Variants in FILIP1L observed in about 807,000 individuals in gnomAD.
FILIP1L encodes filamin A-interacting protein 1-like.
In FILIP1L, 55 loss-of-function variants were observed where a neutral mutation model predicts 96.6. That is an observed-to-expected ratio of 0.57 (90% CI 0.46 to 0.71). The LOEUF (loss-of-function observed/expected upper bound fraction) is 0.71. Among genes scored for constraint, FILIP1L ranks in the 30% least tolerant of loss-of-function variants. FILIP1L has a pLI of 0.00. For missense variants in FILIP1L, 1,304 were observed against 1,321.2 expected (o/e 0.99, Z 0.20); for synonymous variants, 467 against 473.9 (o/e 0.99, Z 0.19).
intron 1 of FILIP1L, among the ~76,000 whole-genome samples, chr3:99,987,376 A>G (rs1037647654): frequency 6.6e-6 from 1 of 151,784 alleles, no homozygotes; most frequent in Non-Finnish European, 1.5e-5. Context: ...TAAAAATACA[A>G]AAATTAACGG....
intron 1 of FILIP1L, among the ~76,000 whole-genome samples, chr3:99,935,265 CAAAA>C (rs34961153): frequency 6.9e-6 from 1 of 143,934 alleles, no homozygotes. Flanking sequence ...TTCAGGGTAC[CAAAA>C]AAAAAAAAAG....
chr3:99,903,161 G>A (rs1045672551), intron 4 of FILIP1L, among the ~76,000 whole-genome samples: 1 of 152,058 alleles, frequency 6.6e-6, no homozygotes. Flanking sequence ...GTTGTTATGA[G>A]GATTAAAGTT....
intron 1 of FILIP1L, among the ~76,000 whole-genome samples, chr3:99,956,867 C>T (rs1297555600): frequency 6.6e-6 from 1 of 152,190 alleles, no homozygotes; most frequent in Non-Finnish European, 1.5e-5. Context: ...TCATTGTACT[C>T]ATCTCCTAAT....
chr3:99,849,221 C>A lies in FILIP1L; in HGVS notation c.2455G>T (p.Glu819Ter), dbSNP rs746496393. The change falls in exon 5 of 6, where the codon GAA becomes TAA. Residue 819 changes from glutamate to a stop codon, truncating the protein, a stop_gained. Transcript: ENST00000477258. LOFTEE classifies it high-confidence loss of function. ...AACTGACCATTGATGACTGCACGTT[C>A]CAGAGGAATGAGGCTCTTGTAATCA... ...PPDYKSLIPL[E>*]RAVINGQLYE... 6.2e-7 allele frequency: 1 copy of A among 1,614,106 alleles called. No individual in the cohort carries two copies.
At chr3:99,996,138 C>A (rs541138897) in intron 1 of FILIP1L, among the ~76,000 whole-genome samples, 48 of 152,322 alleles carry the variant, frequency 3.2e-4, no homozygotes, top group African/African-American at 1.2e-3. Flanking sequence ...ATGCCTATAA[C>A]AGCACCCAGG....
intron 1 of FILIP1L, among the ~76,000 whole-genome samples, chr3:99,983,466 A>G (rs1299519941): frequency 0.064 from 382 of 6,010 alleles, 10 homozygotes; most frequent in African/African-American, 0.17. Flanking sequence ...ATATGTGTGT[A>G]TATATATATA....
intron 5 of FILIP1L, among the ~76,000 whole-genome samples, chr3:99,842,119 G>T (rs1943159672): frequency 6.6e-6 from 1 of 152,128 alleles, no homozygotes; most frequent in African/African-American, 2.4e-5. Context: ...TAAAGAAAAT[G>T]TGGTATATAT....
intron 3 of FILIP1L, among the ~76,000 whole-genome samples, chr3:99,924,638 C>T (rs2107654684): frequency 6.6e-6 from 1 of 152,326 alleles, no homozygotes; most frequent in East Asian, 1.9e-4. Context: ...TCTGCCTCAG[C>T]CTCCCAAGTA....
intron 1 of FILIP1L, chr3:100,010,067 T>C (rs1185593110): frequency 3.0e-6 from 1 of 338,638 alleles, no homozygotes; most frequent in Non-Finnish European, 4.2e-6. Flanking sequence ...TACAGACTAG[T>C]ATATTGAGGG....
intron 5 of FILIP1L, among the ~76,000 whole-genome samples, chr3:99,832,889 T>A (rs1421828410): frequency 6.7e-6 from 1 of 148,706 alleles, no homozygotes; most frequent in Non-Finnish European, 1.5e-5. Context: ...GTATGACTTA[T>A]CCTTGGACAT....
chr3:100,067,522 T>C (rs1445072193), intron 1 of FILIP1L, among the ~76,000 whole-genome samples: 1 of 152,190 alleles, frequency 6.6e-6, no homozygotes, highest in African/African-American at 2.4e-5. Flanking sequence ...CAAAATTCAC[T>C]TCATCTAAAA....
intron 1 of FILIP1L, among the ~76,000 whole-genome samples, chr3:99,979,550 C>T (rs112844237): frequency 3.1e-4 from 47 of 151,968 alleles, no homozygotes; most frequent in Middle Eastern, 3.4e-3. Flanking sequence ...AAGACTTGTT[C>T]TAATGAGAAA....
intron 1 of FILIP1L, among the ~76,000 whole-genome samples, chr3:100,108,884 A>G (rs754928248): frequency 7.9e-5 from 12 of 152,072 alleles, no homozygotes; most frequent in Non-Finnish European, 1.8e-4. Flanking sequence ...AAATCAGATC[A>G]TATTCCCTTG....
intron 5 of FILIP1L, among the ~76,000 whole-genome samples, chr3:99,834,455 G>T (rs570945165): frequency 6.6e-6 from 1 of 152,242 alleles, no homozygotes; most frequent in East Asian, 1.9e-4. Context: ...CAGCAGTGGG[G>T]GCAATCCAAG....
At chr3:100,002,049 T>C (rs902709407) in intron 1 of FILIP1L, among the ~76,000 whole-genome samples, 1 of 152,194 alleles carries the variant, frequency 6.6e-6, no homozygotes, top group African/African-American at 2.4e-5. Context: ...TGGTGATGCG[T>C]GTGTGACTGT....
At chr3:99,971,841 G>T (rs934202964) in intron 1 of FILIP1L, among the ~76,000 whole-genome samples, 3 of 152,158 alleles carry the variant, frequency 2.0e-5, no homozygotes, top group Non-Finnish European at 4.4e-5. Context: ...TAATGACGTT[G>T]GGGCCTCTGG....
At chr3:100,058,222 T>A (rs553577325) in intron 1 of FILIP1L, among the ~76,000 whole-genome samples, 1 of 152,342 alleles carries the variant, frequency 6.6e-6, no homozygotes, top group Admixed American at 6.5e-5. Flanking sequence ...CTACTGCCTC[T>A]CTCAGGCAGA....
chr3:99,990,062 T>C (rs1407652892), intron 1 of FILIP1L, among the ~76,000 whole-genome samples: 1 of 152,224 alleles, frequency 6.6e-6, no homozygotes, highest in African/African-American at 2.4e-5. Context: ...TGCAATTCTC[T>C]GTTTGCCGCT....
intron 1 of FILIP1L, among the ~76,000 whole-genome samples, chr3:99,966,674 G>A (rs1708663110): frequency 6.6e-6 from 1 of 152,144 alleles, no homozygotes; most frequent in South Asian, 2.1e-4. Context: ...TCAAACTCTA[G>A]CAGATTTTAA....
Sources: allele counts gnomAD v4.1 joint callset (sites outside exome capture counted in the v4.1 genomes callset), GRCh38; gene constraint gnomAD v4.1.1; transcripts MANE v1.5; gene names NCBI Gene and HGNC (gene_info 2026-07-23, HGNC 2026-07-21).